The following ITGB5 variants were observed in gnomAD, a reference collection of about 807,000 sequenced individuals.
ITGB5 encodes the protein integrin subunit beta 5, also known as integrin beta-5.
In ITGB5, 38 loss-of-function variants were observed where a neutral mutation model predicts 84.8. That is an observed-to-expected ratio of 0.45 (90% CI 0.35 to 0.59). ITGB5 has a LOEUF of 0.59. Among genes scored for constraint, ITGB5 ranks in the 20% least tolerant of loss-of-function variants. The probability of loss-of-function intolerance (pLI) is 0.01; values close to 1 mark genes in which losing one functional copy is unlikely to be tolerated. For synonymous variants in ITGB5, 393 were observed against 414.4 expected, an observed-to-expected ratio of 0.95 and a Z score of 0.63; for missense variants, 905 against 1,034.5, an observed-to-expected ratio of 0.87 and a Z score of 1.72.
Position 124,898,124 on chromosome 3 carries a change from A to G in ITGB5, c.-255+3142T>C, listed in dbSNP as rs555099148. ...TGGGGGTAGGGGTAGGGGGCTTATC[A>G]GGAAGACACATGAGCAATAATAGAT... On this transcript the variant is annotated intron_variant, in intron 1 of 4. Coordinates refer to the ITGB5 transcript ENST00000608657. Among the ~76,000 whole-genome samples, 33 of 152,284 alleles carry G rather than the reference A, an allele frequency of 2.2e-4. 1 individual carries two copies. The South Asian group carries it at 5.8e-3, about 27-fold the overall frequency.
intron 3 of ITGB5, among the ~76,000 whole-genome samples, chr3:124,858,612 T>C (rs1409710514): frequency 6.6e-6 from 1 of 152,156 alleles, no homozygotes; most frequent in East Asian, 1.9e-4. Context: ...CTTGAAAACA[T>C]TACACTTAGT....
At chr3:124,777,039 T>C (rs958256250) in intron 10 of ITGB5, among the ~76,000 whole-genome samples, 3 of 152,218 alleles carry the variant, frequency 2.0e-5, no homozygotes, top group Non-Finnish European at 4.4e-5. Flanking sequence ...TAAGTATGTC[T>C]GATACCTTGC....
intron 2 of ITGB5, among the ~76,000 whole-genome samples, chr3:124,866,535 G>A (rs1358916564): frequency 2.6e-5 from 4 of 152,192 alleles, no homozygotes; most frequent in African/African-American, 7.2e-5. Flanking sequence ...TTGAGAAACT[G>A]TAGGCCCTTG....
At position 124,772,911 on chromosome 3, in the gene ITGB5, C is replaced by CTTTT. The variant is rs35802279; in HGVS notation, c.1916+775_1916+778dup. Among the ~76,000 whole-genome samples the CTTTT allele has an allele frequency of 2.0e-3, 249 of 127,284 alleles. 5 individuals carry two copies. Among genetic ancestry groups the CTTTT allele is most frequent in the Admixed American group, 4.6e-3 (52 of 11,410 alleles). 83.5% of individuals were successfully genotyped at this position (127,284 alleles called of 152,430 possible). ...GTCGGGTGCCTTTCTCTCCAATTTA[C>CTTTT]TTTTTTTTTTTTTTTTTTTTGAGAC... On this transcript the variant is annotated intron_variant, in intron 11 of 14. Coordinates refer to ENST00000296181, the MANE Select transcript of ITGB5 (RefSeq NM_002213.5).
chr3:124,816,241 C>T (rs1300724995), intron 8 of ITGB5, among the ~76,000 whole-genome samples: 1 of 152,212 alleles, frequency 6.6e-6, no homozygotes, highest in East Asian at 1.9e-4. Context: ...CCAGGGTTCC[C>T]CCTAGCTGGG....
intron 9 of ITGB5, among the ~76,000 whole-genome samples, chr3:124,806,239 C>T (rs917916637): frequency 2.0e-5 from 3 of 152,174 alleles, no homozygotes; most frequent in Non-Finnish European, 4.4e-5. Context: ...CTAGATTAGA[C>T]AGTCCATCCC....
chr3:124,764,475 A>G lies in ITGB5; in HGVS notation c.2220T>C (p.Ala740=). ...SILLVGLALL[A]IWKLLVTIHD... ...GGATGGTGACAAGCAGCTTCCAGAT[A>G]GCCAGGAGTGCAAGCCCAACAAGGA... The change falls in exon 14 of 15, where the codon GCT becomes GCC. Residue 740 remains alanine (A), a synonymous_variant. Coordinates refer to ENST00000296181, the MANE Select transcript of ITGB5 (RefSeq NM_002213.5). 6.2e-7 allele frequency: 1 copy of G among 1,614,112 alleles called. No individual in the cohort carries two copies. The highest frequency in any genetic ancestry group is 8.5e-7 in the Non-Finnish European group (1 of 1,180,006).
chr3:124,771,843 T>C lies in ITGB5; in HGVS notation c.1916+1847A>G, dbSNP rs193289546. Among the ~76,000 whole-genome samples, 6 of 151,482 alleles carry C rather than the reference T, an allele frequency of 4.0e-5. No homozygotes were observed. The East Asian group carries it at 1.2e-3, about 29-fold the overall frequency. ...ATATTGTGTAATGAATAATAAATTA[T>C]TAAGTCTATGTCTTCTAAGAAATAA... On this transcript the variant is annotated intron_variant, in intron 11 of 14. Transcript: ENST00000296181.
intron 1 of ITGB5, among the ~76,000 whole-genome samples, chr3:124,881,966 TA>T (rs917855062): frequency 2.7e-5 from 4 of 150,206 alleles, no homozygotes; most frequent in Admixed American, 1.3e-4. Flanking sequence ...AGACTCCAAT[TA>T]AAAAAAAAAT....
chr3:124,795,180 A>C (rs1399019137), intron 10 of ITGB5, among the ~76,000 whole-genome samples: 1 of 152,134 alleles, frequency 6.6e-6, no homozygotes, highest in Non-Finnish European at 1.5e-5. Flanking sequence ...TTGAGAAACA[A>C]GTTTCTCTTC....
intron 1 of ITGB5, among the ~76,000 whole-genome samples, chr3:124,874,712 T>C (rs1199581600): frequency 1.3e-5 from 2 of 152,152 alleles, no homozygotes; most frequent in African/African-American, 2.4e-5. Flanking sequence ...GCATTTACAG[T>C]GAACTGATCT....
chr3:124,895,233 T>C (rs538626007), intron 1 of ITGB5, among the ~76,000 whole-genome samples: 1 of 152,156 alleles, frequency 6.6e-6, no homozygotes, highest in Admixed American at 6.5e-5. Context: ...TTCTTGGAAT[T>C]CCTTTTCTTT....
At chr3:124,898,371 C>T (rs544763372) in intron 1 of ITGB5, among the ~76,000 whole-genome samples, 4 of 151,872 alleles carry the variant, frequency 2.6e-5, no homozygotes, top group South Asian at 2.1e-4. Context: ...CAGCCGGGCG[C>T]GGTGGCTCAC....
chr3:124,883,044 G>GTCAGTTCTCCAAGGCCC (rs2107652430), intron 1 of ITGB5, among the ~76,000 whole-genome samples: 1 of 152,332 alleles, frequency 6.6e-6, no homozygotes, highest in Non-Finnish European at 1.5e-5. Flanking sequence ...AACCACGGCA[G>GTCAGTTCTCCAAGGCCC]TCAGTTCTCC....
At chr3:124,835,952 G>T (rs1187495600) in intron 5 of ITGB5, among the ~76,000 whole-genome samples, 1 of 152,096 alleles carries the variant, frequency 6.6e-6, no homozygotes, top group African/African-American at 2.4e-5. Flanking sequence ...AGACAAAAAA[G>T]CAAAATCAAA....
At chr3:124,889,493 C>T (rs771582883), upstream of ITGB5, among the ~76,000 whole-genome samples, 7 of 152,222 alleles carry the variant, frequency 4.6e-5, no homozygotes, top group Non-Finnish European at 8.8e-5. Context: ...CAGGACTTCC[C>T]GTCACTGGCA....
At chr3:124,861,463 T>TA (rs1215053354) in intron 2 of ITGB5, among the ~76,000 whole-genome samples, 81 of 128,344 alleles carry the variant, frequency 6.3e-4, no homozygotes, top group Non-Finnish European at 1.2e-3. Flanking sequence ...GAGACTTTGT[T>TA]AAAAAAACAA....
At chr3:124,813,366 A>G (rs1012492308) in intron 8 of ITGB5, among the ~76,000 whole-genome samples, 11 of 152,186 alleles carry the variant, frequency 7.2e-5, no homozygotes, top group Non-Finnish European at 1.5e-4. Context: ...CTGGTTGGTT[A>G]TCTTCTAATT....
At chr3:124,844,452 C>A (rs2065051656) in intron 4 of ITGB5, among the ~76,000 whole-genome samples, 1 of 152,022 alleles carries the variant, frequency 6.6e-6, no homozygotes, top group Admixed American at 6.6e-5. Flanking sequence ...CCCAGCTACT[C>A]AGGAGGCTGA....
Sources: allele counts gnomAD v4.1 joint callset (sites outside exome capture counted in the v4.1 genomes callset), GRCh38; gene constraint gnomAD v4.1.1; transcripts MANE v1.5; gene names NCBI Gene and HGNC (gene_info 2026-07-23, HGNC 2026-07-21).